SLC38A8: variants seen among roughly 807,000 people sequenced by gnomAD.
SLC38A8 encodes the protein solute carrier family 38 member 8, also known as amino acid transporter SLC38A8.
Under a neutral mutation model 46.0 loss-of-function variants are expected in SLC38A8, and 65 were observed. The ratio of observed to expected loss-of-function variants is 1.41; its 90% CI spans 1.16 to 1.74. SLC38A8 has a LOEUF of 1.74. Ranked by LOEUF, SLC38A8 falls within the 40% of genes most tolerant of loss-of-function variation. SLC38A8 has a pLI of 0.00. For synonymous variants in SLC38A8, 447 were observed against 243.7 expected, an observed-to-expected ratio of 1.83 and a Z score of -7.77; for missense variants, 998 against 567.9, an observed-to-expected ratio of 1.76 and a Z score of -7.70.
chr16:84,032,692 T>C (rs2085256380), intron 4 of SLC38A8, among the ~76,000 whole-genome samples: 1 of 152,154 alleles, frequency 6.6e-6, no homozygotes, highest in Non-Finnish European at 1.5e-5. Context: ...TGAGGGAGGC[T>C]CGGGTTTGCT....
At chr16:84,015,325 C>G (rs986275212) in intron 9 of SLC38A8, among the ~76,000 whole-genome samples, 2 of 152,090 alleles carry the variant, frequency 1.3e-5, no homozygotes, top group Non-Finnish European at 2.9e-5. Context: ...GCTTCCCCTT[C>G]TCAGATAATG....
chr16:84,031,906 C>A lies in SLC38A8; in HGVS notation c.593G>T (p.Trp198Leu). ...GGACTCACGCACGAGGCCCTGGGGC[C>A]AGAGGTAGTACTGCACGGTGATGAC... is the stretch of plus-strand genomic sequence containing the variant. ...ALVITVQYYL[W>L]PQGLVRESHP... is the part of the protein sequence containing the mutation. The change falls in exon 5 of 11, where the codon TGG (tryptophan) becomes TTG (leucine). Residue 198 changes from tryptophan to leucine, a missense_variant. By Grantham distance (61) the Trp-to-Leu change is moderately conservative. Coordinates refer to ENST00000299709, the MANE Select transcript of SLC38A8 (RefSeq NM_001080442.3). 1 of 1,614,194 alleles carries A rather than the reference C, an allele frequency of 6.2e-7. No homozygotes were observed. Among genetic ancestry groups the A allele is most frequent in the Non-Finnish European group, 8.5e-7 (1 of 1,180,026 alleles).
At chr16:84,015,201 C>T (rs930498321) in intron 9 of SLC38A8, among the ~76,000 whole-genome samples, 1 of 152,074 alleles carries the variant, frequency 6.6e-6, no homozygotes, top group Non-Finnish European at 1.5e-5. Context: ...GTGTGTGGGG[C>T]CCTGGAACAC....
At chr16:84,019,650 C>T (rs2085072668) in intron 7 of SLC38A8, among the ~76,000 whole-genome samples, 1 of 152,188 alleles carries the variant, frequency 6.6e-6, no homozygotes, top group Admixed American at 6.5e-5. Context: ...ATTCCAACCC[C>T]ATGACCCCAA....
chr16:84,034,019 T>C (rs2085275349), intron 3 of SLC38A8, among the ~76,000 whole-genome samples: 1 of 152,100 alleles, frequency 6.6e-6, no homozygotes, highest in African/African-American at 2.4e-5. Context: ...CCATATAGAA[T>C]TGGCTGAGGT....
In SLC38A8 at chr16:84,022,776, C is replaced by T. The variant is rs201468844; in HGVS notation, c.804G>A (p.Thr268=). 201 of 1,613,760 alleles carry T rather than the reference C, an allele frequency of 1.2e-4. No homozygotes were observed. Among genetic ancestry groups the T allele is most frequent in the East Asian group, 1.1e-3 (49 of 44,876 alleles). Residue 268 remains threonine (T), a splice_region_variant and synonymous_variant, in exon 7 of 11, where the codon ACG becomes ACA. Coordinates refer to ENST00000299709, the MANE Select transcript of SLC38A8 (RefSeq NM_001080442.3). ...AGGGGTGCCTGGGAAGGGCCTTACC[C>T]GTCAGTGAATAGATGAGGCAGCAGG... ...LLACCLIYSL[T]GVYGFLTFGT...
At position 84,031,974 on chromosome 16, in the gene SLC38A8, ACAGTGACCGTGTGAGGGGCTGCG is replaced by A. The variant is rs759607949; in HGVS notation, c.531-29_531-7del. On this transcript the variant is annotated splice_polypyrimidine_tract_variant and splice_region_variant and intron_variant, in intron 4 of 10. Transcript: ENST00000299709. ...CAGCCAGAGTGCCTAGGATGCTAAC[ACAGTGACCGTGTGAGGGGCTGCG>A]CAGTGGGTGACATGTGCGGTTGATG... is the stretch of plus-strand genomic sequence containing the variant. 4 of 1,613,662 alleles carry A rather than the reference ACAGTGACCGTGTGAGGGGCTGCG, an allele frequency of 2.5e-6. 1 individual carries two copies. The highest frequency in any genetic ancestry group is 1.7e-4 in the Middle Eastern group (1 of 6,060).
intron 7 of SLC38A8, among the ~76,000 whole-genome samples, chr16:84,022,431 G>A (rs1296541365): frequency 6.6e-6 from 1 of 152,210 alleles, no homozygotes; most frequent in Admixed American, 6.5e-5. Context: ...AGATGTTACA[G>A]TGTAATGACG....
At chr16:84,028,541 A>G (rs1011682390) in intron 6 of SLC38A8, among the ~76,000 whole-genome samples, 2 of 151,156 alleles carry the variant, frequency 1.3e-5, no homozygotes, top group African/African-American at 4.9e-5. Context: ...CAGCCTGGGC[A>G]ATAAGAATGA....
intron 9 of SLC38A8, among the ~76,000 whole-genome samples, chr16:84,015,500 C>T (rs1050441167): frequency 6.6e-6 from 1 of 151,998 alleles, no homozygotes; most frequent in Non-Finnish European, 1.5e-5. Flanking sequence ...AATCTTTTAG[C>T]AGGAGGCACC....
chr16:84,036,783 G>T lies in SLC38A8; in HGVS notation c.307C>A (p.Leu103Met). The T allele has an allele frequency of 6.2e-7, 1 of 1,614,196 alleles. No homozygotes were observed. Among genetic ancestry groups the T allele is most frequent in the Non-Finnish European group, 8.5e-7 (1 of 1,180,040 alleles). The change falls in exon 3 of 11, where the codon CTG becomes ATG. Residue 103 changes from leucine to methionine, a missense_variant. By Grantham distance (15) the Leu-to-Met change is conservative. Coordinates refer to ENST00000299709, the MANE Select transcript of SLC38A8 (RefSeq NM_001080442.3). ...TTGAGGAGGAAGCAGGCCTCACACAGCTTCCCAATGGCAGGGCCACACAGC... is the reference window on the plus strand; with the variant it reads ...TTGAGGAGGAAGCAGGCCTCACACATCTTCCCAATGGCAGGGCCACACAGC... ...RGLCGPAIGK[L>M]CEACFLLNLL... is the part of the protein sequence containing the mutation.
intron 4 of SLC38A8, 74 bp from the exon 5 acceptor site, chr16:84,032,042 T>C (rs2085246602): frequency 7.7e-7 from 1 of 1,301,486 alleles, no homozygotes; most frequent in Non-Finnish European, 1.1e-6. Flanking sequence ...AGTAGTGGGA[T>C]CTGAATCCCA....
At chr16:84,017,039 G>A (rs1345481768) in intron 8 of SLC38A8, 101 bp downstream of exon 8, 86 of 1,463,562 alleles carry the variant, frequency 5.9e-5, no homozygotes, top group Non-Finnish European at 7.0e-5. Flanking sequence ...TGGAGAGGAT[G>A]GTAGTCCCAC....
chr16:84,010,887 G>A (rs1208058606), intron 10 of SLC38A8, among the ~76,000 whole-genome samples: 9 of 152,160 alleles, frequency 5.9e-5, no homozygotes, highest in Admixed American at 2.6e-4. Flanking sequence ...ATCTCAGAGG[G>A]GTAGGGGACG....
At chr16:84,024,827 T>C (rs889541902) in intron 6 of SLC38A8, among the ~76,000 whole-genome samples, 1 of 151,998 alleles carries the variant, frequency 6.6e-6, no homozygotes, top group East Asian at 2.0e-4. Flanking sequence ...GTAGCTGGGA[T>C]TACAGGCACG....
In SLC38A8 at chr16:84,017,302, G is replaced by C. The variant is rs552056683; in HGVS notation, c.806-15C>G. 4 of 1,613,756 alleles carry C rather than the reference G, an allele frequency of 2.5e-6. No homozygotes were observed. Among genetic ancestry groups the C allele is most frequent in the East Asian group, 2.2e-5 (1 of 44,890 alleles). ...GCCATAAACCCCTGAAGGTGGGAAA[G>C]GATGGAAGCCACAGAGTGGATTAGG... On this transcript the variant is annotated splice_polypyrimidine_tract_variant and intron_variant, in intron 7 of 10. Transcript: ENST00000299709.
chr16:84,024,260 G>T (rs536557475), intron 6 of SLC38A8, among the ~76,000 whole-genome samples: 74 of 152,322 alleles, frequency 4.9e-4, no homozygotes, highest in African/African-American at 1.8e-3. Context: ...GGTCATGAAG[G>T]GGTTCCCGGG....
At chr16:84,018,216 CTCAT>C (rs1458753020) in intron 7 of SLC38A8, among the ~76,000 whole-genome samples, 1 of 147,242 alleles carries the variant, frequency 6.8e-6, no homozygotes, top group Non-Finnish European at 1.5e-5. Flanking sequence ...TGACTCAGCC[CTCAT>C]TCCTTTTTTT....
chr16:84,016,522 G>C lies in SLC38A8; in HGVS notation c.1159C>G (p.Pro387Ala). The change falls in exon 9 of 11, where the codon CCA becomes GCA. Residue 387 changes from proline to alanine, a missense_variant. Physicochemically the swap from Pro to Ala is conservative, Grantham distance 27. Coordinates refer to ENST00000299709, the MANE Select transcript of SLC38A8 (RefSeq NM_001080442.3). ...GCCTGGAAAGCAGGGGCCTCACCTG[G>C]GAAGATGAAGATGAAGAAGGAACTG... is the stretch of plus-strand genomic sequence containing the variant. ...GISSFFIFIF[P>A]GLCLICAMGV... The C allele has an allele frequency of 6.2e-7, 1 of 1,613,714 alleles. No individual in the cohort carries two copies. The highest frequency in any genetic ancestry group is 8.5e-7 in the Non-Finnish European group (1 of 1,179,708).
Sources: allele counts gnomAD v4.1 joint callset (sites outside exome capture counted in the v4.1 genomes callset), GRCh38; gene constraint gnomAD v4.1.1; transcripts MANE v1.5; gene names NCBI Gene and HGNC (gene_info 2026-07-23, HGNC 2026-07-21).